TTC39B: variants seen among roughly 807,000 people sequenced by gnomAD.
TTC39B encodes the protein tetratricopeptide repeat protein 39B.
A neutral mutation model predicts 96.6 loss-of-function variants in TTC39B; 92 were observed. That is an observed-to-expected ratio of 0.95 (90% CI 0.80 to 1.13). The LOEUF (loss-of-function observed/expected upper bound fraction) is 1.13, where lower values mean the gene tolerates loss of function less well. Among genes scored for constraint, TTC39B ranks in the 50% most tolerant of loss-of-function variants. The probability of loss-of-function intolerance (pLI) is 0.00; values close to 1 mark genes in which losing one functional copy is unlikely to be tolerated. For missense variants in TTC39B, 955 were observed against 809.3 expected, an observed-to-expected ratio of 1.18 and a Z score of -2.18; for synonymous variants, 367 against 299.4, an observed-to-expected ratio of 1.23 and a Z score of -2.33.
At chr9:15,233,419 T>A (rs35478741) in intron 2 of TTC39B, among the ~76,000 whole-genome samples, 28,353 of 151,950 alleles carry the variant, frequency 0.19, 3,420 homozygotes, top group East Asian at 0.65. Flanking sequence ...GAAGCTGGAC[T>A]GTACTGCTGC....
At chr9:15,285,651 G>C (rs957733350) in intron 1 of TTC39B, among the ~76,000 whole-genome samples, 3 of 152,196 alleles carry the variant, frequency 2.0e-5, no homozygotes, top group African/African-American at 7.2e-5. Flanking sequence ...TCAGGAGATG[G>C]AGACCATCCT....
chr9:15,301,902 C>T (rs538405812), intron 1 of TTC39B, among the ~76,000 whole-genome samples: 1 of 152,314 alleles, frequency 6.6e-6, no homozygotes, highest in Admixed American at 6.5e-5. Context: ...AAACATGTCA[C>T]ATAAGCCATT....
chr9:15,175,209 C>T (rs901343530), intron 18 of TTC39B, 74 bp from the exon 19 acceptor site: 10 of 1,065,398 alleles, frequency 9.4e-6, no homozygotes, highest in Non-Finnish European at 1.4e-5. Flanking sequence ...ATATATTATT[C>T]CCATTCTTCA....
chr9:15,206,230 T>A (rs993085678), intron 6 of TTC39B, among the ~76,000 whole-genome samples: 1 of 151,914 alleles, frequency 6.6e-6, no homozygotes, highest in Non-Finnish European at 1.5e-5. Flanking sequence ...TGAAACCCAT[T>A]TGGGGCAATC....
intron 1 of TTC39B, among the ~76,000 whole-genome samples, chr9:15,285,725 G>A (rs540062494): frequency 2.0e-4 from 30 of 152,120 alleles, no homozygotes; most frequent in Non-Finnish European, 4.0e-4. Flanking sequence ...CTTGGTGGCG[G>A]GCGCCTGTAG....
At chr9:15,199,591 C>T (rs1451647127) in intron 8 of TTC39B, among the ~76,000 whole-genome samples, 2 of 151,386 alleles carry the variant, frequency 1.3e-5, no homozygotes, top group South Asian at 2.1e-4. Flanking sequence ...AAAAATTAGC[C>T]GGGCGTGGTG....
intron 2 of TTC39B, among the ~76,000 whole-genome samples, chr9:15,248,098 A>T (rs538510313): frequency 5.9e-5 from 9 of 152,352 alleles, no homozygotes; most frequent in African/African-American, 2.2e-4. Flanking sequence ...CAGATTTACC[A>T]TAGATACTGG....
chr9:15,237,483 A>G (rs1241576698), intron 2 of TTC39B, among the ~76,000 whole-genome samples: 1 of 152,198 alleles, frequency 6.6e-6, no homozygotes, highest in East Asian at 1.9e-4. Context: ...ACAAATGATC[A>G]TAAGAGACTC....
At chr9:15,295,669 G>T (rs1229405623) in intron 1 of TTC39B, among the ~76,000 whole-genome samples, 2 of 152,238 alleles carry the variant, frequency 1.3e-5, no homozygotes, top group African/African-American at 4.8e-5. Flanking sequence ...TTGCATTTTA[G>T]TAGTACCTTC....
chr9:15,237,664 A>C (rs1821848309), intron 2 of TTC39B, among the ~76,000 whole-genome samples: 1 of 151,934 alleles, frequency 6.6e-6, no homozygotes, highest in Admixed American at 6.5e-5. Flanking sequence ...GGAAAAAAAA[A>C]AAAAAGCAGC....
At chr9:15,272,451 C>G (rs150572783) in intron 1 of TTC39B, among the ~76,000 whole-genome samples, 1 of 152,284 alleles carries the variant, frequency 6.6e-6, no homozygotes, top group African/African-American at 2.4e-5. Flanking sequence ...GACAGGAGAG[C>G]TCACACTGCC....
exon 3 of TTC39B, chr9:15,225,936 C>G (rs762076858): frequency 3.1e-6 from 5 of 1,613,884 alleles, no homozygotes; most frequent in Non-Finnish European, 4.2e-6. Flanking sequence ...GTAGACGCTC[C>G]GCGCTGTCTG....
At chr9:15,258,744 C>T (rs973846078) in intron 2 of TTC39B, among the ~76,000 whole-genome samples, 3 of 152,122 alleles carry the variant, frequency 2.0e-5, no homozygotes, top group Non-Finnish European at 4.4e-5. Flanking sequence ...ATTCACTTTG[C>T]ACCAGCAACA....
Position 15,280,370 on chromosome 9 carries a change from C to G in TTC39B, c.241-12422G>C, listed in dbSNP as rs1224302199. Among the ~76,000 whole-genome samples the G allele has an allele frequency of 2.0e-5, 3 of 152,180 alleles. No individual in the cohort carries two copies. The East Asian group carries it at 5.8e-4, about 29-fold the overall frequency. On this transcript the variant is annotated intron_variant, in intron 1 of 19. Transcript: ENST00000512701. ...CAGAAAAAGTTTGCCTACGTTTGCG[C>G]AATGAATGAAACATCAGGTTTCCTT...
At chr9:15,270,615 GAA>G (rs532561275) in intron 1 of TTC39B, among the ~76,000 whole-genome samples, 5 of 120,128 alleles carry the variant, frequency 4.2e-5, no homozygotes, top group Admixed American at 8.5e-5. Flanking sequence ...ATCAAAAAAA[GAA>G]AAAAAAAAAA....
intron 2 of TTC39B, among the ~76,000 whole-genome samples, chr9:15,266,376 T>C (rs564988392): frequency 4.1e-4 from 63 of 152,210 alleles, no homozygotes; most frequent in African/African-American, 1.5e-3. Flanking sequence ...AGGGTATATA[T>C]AATTTAAAGT....
At chr9:15,183,870 T>C (rs759617184) in intron 16 of TTC39B, among the ~76,000 whole-genome samples, 2 of 152,210 alleles carry the variant, frequency 1.3e-5, no homozygotes, top group Non-Finnish European at 2.9e-5. Context: ...ATTTTTGTCT[T>C]GCTCCGTCAC....
intron 2 of TTC39B, among the ~76,000 whole-genome samples, chr9:15,237,610 T>C (rs989993235): frequency 2.8e-5 from 4 of 141,930 alleles, no homozygotes; most frequent in African/African-American, 1.0e-4. Flanking sequence ...AGCAGACCAA[T>C]AATAAGTAAG....
At chr9:15,172,924 G>A (rs966507907) in intron 19 of TTC39B, among the ~76,000 whole-genome samples, 7 of 152,084 alleles carry the variant, frequency 4.6e-5, no homozygotes, top group Admixed American at 2.6e-4. Context: ...GGAGTTTACC[G>A]ACAGATGGAA....
Sources: allele counts gnomAD v4.1 joint callset (sites outside exome capture counted in the v4.1 genomes callset), GRCh38; gene constraint gnomAD v4.1.1; transcripts MANE v1.5; gene names NCBI Gene and HGNC (gene_info 2026-07-23, HGNC 2026-07-21).